NME7: variants seen among roughly 807,000 people sequenced by gnomAD.
The protein encoded by NME7 is nucleoside diphosphate kinase 7.
Under a neutral mutation model 49.1 loss-of-function variants are expected in NME7, and 41 were observed. That is an observed-to-expected ratio of 0.83 (90% CI 0.65 to 1.08). The LOEUF (loss-of-function observed/expected upper bound fraction) is 1.08, where lower values mean the gene tolerates loss of function less well. Among genes scored for constraint, NME7 ranks in the 50% least tolerant of loss-of-function variants. The probability of loss-of-function intolerance (pLI) is 0.00; values close to 1 mark genes in which losing one functional copy is unlikely to be tolerated. For synonymous variants in NME7, 139 were observed against 150.6 expected, an observed-to-expected ratio of 0.92 and a Z score of 0.56; for missense variants, 423 against 463.4, an observed-to-expected ratio of 0.91 and a Z score of 0.80.
chr1:169,246,898 T>C, intron 7 of NME7: 1 of 400,088 alleles, frequency 2.5e-6, no homozygotes, highest in Non-Finnish European at 4.9e-6. Context: ...AACACCTTTG[T>C]AGATATACCT....
chr1:169,253,887 C>G (rs12753059), intron 7 of NME7, among the ~76,000 whole-genome samples: 9,619 of 149,556 alleles, frequency 0.064, 1,217 homozygotes, highest in East Asian at 0.64. Flanking sequence ...GTATATTGAA[C>G]CAGCCTTGCA....
chr1:169,138,853 T>G (rs1033160041), intron 11 of NME7, among the ~76,000 whole-genome samples: 1 of 152,206 alleles, frequency 6.6e-6, no homozygotes, highest in African/African-American at 2.4e-5. Flanking sequence ...CAGCCCAGAG[T>G]AGAGTGGTGC....
chr1:169,254,404 G>T (rs1202314231), intron 7 of NME7, among the ~76,000 whole-genome samples: 1 of 151,914 alleles, frequency 6.6e-6, no homozygotes, highest in Non-Finnish European at 1.5e-5. Flanking sequence ...GGGATTGGTG[G>T]TGATATCCCC....
chr1:169,224,120 G>A (rs185804407), intron 10 of NME7, among the ~76,000 whole-genome samples: 14 of 152,242 alleles, frequency 9.2e-5, no homozygotes, highest in East Asian at 3.9e-4. Context: ...TGACCCAGGC[G>A]ATGCCTCTCA....
chr1:169,285,113 A>T (rs1406250605), intron 7 of NME7: 1 of 152,138 alleles, frequency 6.6e-6, no homozygotes. Flanking sequence ...CCTTACAGAA[A>T]TGCTTGTGAC....
chr1:169,282,789 A>C (rs1650077897), intron 7 of NME7, among the ~76,000 whole-genome samples: 1 of 152,050 alleles, frequency 6.6e-6, no homozygotes, highest in South Asian at 2.1e-4. Flanking sequence ...CTGAGTTCTA[A>C]TTTGATTGCA....
Position 169,168,813 on chromosome 1 carries a change from A to AT in NME7, c.1098+633dup, listed in dbSNP as rs1266592742. The AT allele has an allele frequency of 5.1e-5, 23 of 453,964 alleles. No individual in the cohort carries two copies. In the Middle Eastern group the frequency reaches 9.7e-4, roughly 19 times the overall value. The allele number at this position is 453,964 out of a possible 1,614,324, so 28.1% of individuals were successfully genotyped here. On this transcript the variant is annotated intron_variant, in intron 11 of 11. Transcript: ENST00000367811. ...TATATGTTATGCACTCATAATACAC[A>AT]TTTTTTTCTATTTTTTTGATATTTC...
intron 1 of NME7, among the ~76,000 whole-genome samples, chr1:169,349,445 T>C (rs1653072525): frequency 6.6e-6 from 1 of 152,234 alleles, no homozygotes; most frequent in African/African-American, 2.4e-5. Context: ...TCTTATGGAA[T>C]ATGCGTGACA....
At position 169,145,711 on chromosome 1, in the gene NME7, T is replaced by G. The variant is rs557621461; in HGVS notation, c.1099-12894A>C. 4.6e-5 allele frequency among the ~76,000 whole-genome samples: 7 copies of G among 152,258 alleles called. No homozygotes were observed. In the East Asian group the frequency reaches 1.4e-3, roughly 29 times the overall value. ...GTAAAAGCAGTAAATAAGGGTGTGCTTACAACAAAGATGGAATTCACAATG... is the reference window on the plus strand; with the variant it reads ...GTAAAAGCAGTAAATAAGGGTGTGCGTACAACAAAGATGGAATTCACAATG... On this transcript the variant is annotated intron_variant, in intron 11 of 11. Coordinates refer to ENST00000367811, the MANE Select transcript of NME7 (RefSeq NM_013330.5).
At chr1:169,298,528 G>T in intron 6 of NME7, 28 bp downstream of exon 6, 1 of 1,598,426 alleles carries the variant, frequency 6.3e-7, no homozygotes, top group Non-Finnish European at 8.6e-7. Context: ...AACTAGAAGA[G>T]CATTAAAATA....
At position 169,298,685 on chromosome 1, in the gene NME7, T is replaced by C. The variant is rs1650810543; in HGVS notation, c.519A>G (p.Lys173=). ...CAGAGTTTGCAGGTCCCAGCAGTCT[T>C]TTCCATTCACATATAGCATCATCTC... ...ILRDDAICEW[K]RLLGPANSGV... is the part of the protein sequence containing the mutation. The change falls in exon 6 of 12, where the codon AAA becomes AAG. Residue 173 remains lysine (K), a synonymous_variant. Coordinates refer to ENST00000367811, the MANE Select transcript of NME7 (RefSeq NM_013330.5). The C allele has an allele frequency of 2.5e-6, 4 of 1,613,806 alleles. No individual in the cohort carries two copies. The highest frequency in any genetic ancestry group is 1.3e-5 in the African/African-American group (1 of 74,896).
chr1:169,203,196 A>G (rs1311475711), intron 10 of NME7, among the ~76,000 whole-genome samples: 2 of 152,184 alleles, frequency 1.3e-5, no homozygotes, highest in African/African-American at 4.8e-5. Flanking sequence ...AGTCAAGCTA[A>G]AGCCTGTATG....
chr1:169,342,019 G>T (rs577520932), intron 1 of NME7, among the ~76,000 whole-genome samples: 90 of 152,242 alleles, frequency 5.9e-4, no homozygotes, highest in African/African-American at 1.7e-3. Context: ...TTAAGGCTTT[G>T]GGGGACTATT....
intron 11 of NME7, among the ~76,000 whole-genome samples, chr1:169,137,499 G>A (rs1452294208): frequency 6.6e-6 from 1 of 152,198 alleles, no homozygotes. Flanking sequence ...GATTATGGAA[G>A]GTGTGAGCTG....
chr1:169,355,076 TA>T (rs1653361668), intron 1 of NME7, among the ~76,000 whole-genome samples: 1 of 63,882 alleles, frequency 1.6e-5, no homozygotes, highest in East Asian at 5.8e-4. Context: ...ATTATAGATA[TA>T]ATATATAATA....
intron 7 of NME7, among the ~76,000 whole-genome samples, chr1:169,281,600 C>T (rs1366767220): frequency 2.6e-5 from 4 of 151,972 alleles, no homozygotes; most frequent in Non-Finnish European, 4.4e-5. Flanking sequence ...TGTCATAAAT[C>T]GCTCTTATTA....
chr1:169,192,103 C>T (rs150624315), intron 10 of NME7, among the ~76,000 whole-genome samples: 2,482 of 152,294 alleles, frequency 0.016, 37 homozygotes, highest in Middle Eastern at 0.034. Flanking sequence ...AGAGACTTCT[C>T]TAGTTAGTTC....
At chr1:169,158,874 C>T (rs999912240) in intron 11 of NME7, among the ~76,000 whole-genome samples, 1 of 152,132 alleles carries the variant, frequency 6.6e-6, no homozygotes, top group Non-Finnish European at 1.5e-5. Context: ...TAGCTAGGGC[C>T]AGTTCCATTG....
rs535885355 is a variant in NME7 at position 169,299,962 on chromosome 1, A to C, written c.441-1199T>G. Reference sequence around the variant, plus strand: ...ACATATCAGCGTCTGTGCCACAAAAAAGATCCCCCTTCAAGACACTTACAA... The same window carrying C: ...ACATATCAGCGTCTGTGCCACAAAACAGATCCCCCTTCAAGACACTTACAA... On this transcript the variant is annotated intron_variant, in intron 5 of 11. Transcript: ENST00000367811. Among the ~76,000 whole-genome samples, 15 of 152,252 alleles carry C rather than the reference A, an allele frequency of 9.9e-5. No homozygotes were observed. The South Asian group carries it at 3.1e-3, about 32-fold the overall frequency.
Sources: gnomAD v4.1 joint callset for allele counts (sites outside exome capture counted in the v4.1 genomes callset) on GRCh38, gnomAD v4.1.1 for gene constraint, MANE v1.5 for transcripts, NCBI Gene and HGNC (gene_info 2026-07-23, HGNC 2026-07-21) for gene names.